RAD51B: variants seen among roughly 807,000 people sequenced by gnomAD.
RAD51B encodes the protein DNA repair protein RAD51 homolog 2.
A neutral mutation model predicts 42.2 loss-of-function variants in RAD51B; 38 were observed. The observed-to-expected ratio is 0.90, with a 90% CI of 0.70 to 1.18. RAD51B has a LOEUF of 1.18. Among genes scored for constraint, RAD51B ranks in the 50% most tolerant of loss-of-function variants. RAD51B has a pLI of 0.00. For synonymous variants in RAD51B, 154 were observed against 145.2 expected (o/e 1.06, Z -0.43); for missense variants, 373 against 400.7 (o/e 0.93, Z 0.59).
chr14:68,195,523 T>A (rs1436230470), intron 7 of RAD51B, among the ~76,000 whole-genome samples: 1 of 152,204 alleles, frequency 6.6e-6, no homozygotes, highest in Non-Finnish European at 1.5e-5. Flanking sequence ...CACATACTTG[T>A]GTTGCTATGT....
intron 7 of RAD51B, among the ~76,000 whole-genome samples, chr14:68,173,412 A>T (rs1390200176): frequency 2.0e-5 from 3 of 152,190 alleles, no homozygotes; most frequent in Admixed American, 1.3e-4. Flanking sequence ...AGATTTTATT[A>T]TCCAAGACAG....
chr14:68,413,675 G>A (rs1415641408), intron 9 of RAD51B, among the ~76,000 whole-genome samples: 3 of 152,148 alleles, frequency 2.0e-5, no homozygotes, highest in Non-Finnish European at 4.4e-5. Context: ...CCTTAGCAGA[G>A]GGTGTGCTTA....
At chr14:68,434,692 CGGGTGAGGCGA>C (rs749756792) in intron 9 of RAD51B, among the ~76,000 whole-genome samples, 68 of 152,296 alleles carry the variant, frequency 4.5e-4, no homozygotes, top group Middle Eastern at 3.4e-3. Flanking sequence ...TTGCACTTCC[CGGGTGAGGCGA>C]TGCCTCGCCC....
rs185779778 is a variant in RAD51B at position 68,286,452 on chromosome 14, A to G, written c.757-5432A>G. Reference sequence around the variant, plus strand: ...CAGATATCACATTCCAACCTATTCTATCCCTGGCTGACCACAAACTCCCTC... The same window carrying G: ...CAGATATCACATTCCAACCTATTCTGTCCCTGGCTGACCACAAACTCCCTC... On this transcript the variant is annotated intron_variant, in intron 7 of 10. Coordinates refer to ENST00000471583, the MANE Select transcript of RAD51B (RefSeq NM_133510.4). 4.1e-3 allele frequency among the ~76,000 whole-genome samples: 626 copies of G among 152,284 alleles called. 2 individuals carry two copies. Among genetic ancestry groups the G allele is most frequent in the South Asian group, 8.9e-3 (43 of 4,830 alleles).
chr14:68,449,399 T>C (rs2085500994), intron 9 of RAD51B, among the ~76,000 whole-genome samples: 1 of 152,246 alleles, frequency 6.6e-6, no homozygotes, highest in Admixed American at 6.5e-5. Context: ...TTAAAGATGC[T>C]GGTCTGGACT....
intron 5 of RAD51B, among the ~76,000 whole-genome samples, chr14:67,879,997 A>T (rs2042855483): frequency 6.6e-6 from 1 of 152,166 alleles, no homozygotes; most frequent in African/African-American, 2.4e-5. Context: ...CTCTTAATGG[A>T]TATTTACCTA....
intron 9 of RAD51B, among the ~76,000 whole-genome samples, chr14:68,446,087 C>T (rs2085413969): frequency 6.6e-6 from 1 of 152,180 alleles, no homozygotes; most frequent in Non-Finnish European, 1.5e-5. Flanking sequence ...CCAGGGAATG[C>T]TGATAATAAC....
intron 7 of RAD51B, among the ~76,000 whole-genome samples, chr14:68,117,592 G>A (rs757241544): frequency 2.0e-5 from 3 of 152,098 alleles, no homozygotes; most frequent in Non-Finnish European, 2.9e-5. Context: ...AAAAAGGTAC[G>A]ATTAGAATAT....
At chr14:68,153,207 G>A (rs2078427790) in intron 7 of RAD51B, among the ~76,000 whole-genome samples, 1 of 152,080 alleles carries the variant, frequency 6.6e-6, no homozygotes, top group Non-Finnish European at 1.5e-5. Context: ...TACAGTACTT[G>A]TCATACATTT....
chr14:68,434,617 A>T lies in RAD51B; in HGVS notation c.957+23090A>T, dbSNP rs893627953. 5.3e-5 allele frequency among the ~76,000 whole-genome samples: 8 copies of T among 152,274 alleles called. No individual in the cohort carries two copies. The South Asian group carries it at 8.3e-4, about 16-fold the overall frequency. Reference sequence around the variant, plus strand: ...AAAGCGCAGTATTAGGGTGAGAGTGACCTGATTTTCCAGGTGCTGTCGGTC... The same window carrying T: ...AAAGCGCAGTATTAGGGTGAGAGTGTCCTGATTTTCCAGGTGCTGTCGGTC... On this transcript the variant is annotated intron_variant, in intron 9 of 10. Coordinates refer to ENST00000471583, the MANE Select transcript of RAD51B (RefSeq NM_133510.4).
rs191175130 is a variant in RAD51B, at chr14:68,105,715, G to A, written c.757-186169G>A. 5.6e-3 allele frequency among the ~76,000 whole-genome samples: 845 copies of A among 152,028 alleles called. 10 individuals carry two copies. Among genetic ancestry groups the A allele is most frequent in the African/African-American group, 0.019 (797 of 41,512 alleles). On this transcript the variant is annotated intron_variant, in intron 7 of 10. Transcript: ENST00000471583. Reference sequence around the variant, plus strand: ...AAGTTTAAAGTATTTGTAATTATAAGTAGACTTTTGCTTTTATTATAGTAA... The same window carrying A: ...AAGTTTAAAGTATTTGTAATTATAAATAGACTTTTGCTTTTATTATAGTAA...
chr14:68,297,573 A>G (rs921605971), intron 8 of RAD51B, among the ~76,000 whole-genome samples: 26 of 152,272 alleles, frequency 1.7e-4, no homozygotes, highest in South Asian at 1.0e-3. Flanking sequence ...GTGTAGGGCC[A>G]TGTACCAACG....
chr14:68,540,244 G>T, intron 10 of RAD51B: 4 of 1,000,844 alleles, frequency 4.0e-6, no homozygotes, highest in Non-Finnish European at 4.7e-6. Flanking sequence ...ACATAGGATC[G>T]TCTGAGTTCC....
chr14:68,452,560 G>A (rs2085582490), intron 9 of RAD51B, among the ~76,000 whole-genome samples: 1 of 152,124 alleles, frequency 6.6e-6, no homozygotes, highest in South Asian at 2.1e-4. Flanking sequence ...GTGTGAAGTT[G>A]TACATTAGCC....
chr14:68,385,983 C>T (rs1273512338), intron 8 of RAD51B, among the ~76,000 whole-genome samples: 1 of 152,186 alleles, frequency 6.6e-6, no homozygotes. Flanking sequence ...GATTGGCTCC[C>T]GAGTCTGTGC....
intron 7 of RAD51B, among the ~76,000 whole-genome samples, chr14:68,012,144 A>G (rs61301729): frequency 0.031 from 4,643 of 152,180 alleles, 256 homozygotes; most frequent in African/African-American, 0.11. Context: ...TTCGGTCTAG[A>G]TTTTCATTTA....
At chr14:67,828,536 G>A (rs1031908121) in intron 3 of RAD51B, among the ~76,000 whole-genome samples, 1 of 151,918 alleles carries the variant, frequency 6.6e-6, no homozygotes, top group Non-Finnish European at 1.5e-5. Context: ...TGGCATTTTT[G>A]TCATGATATC....
intron 8 of RAD51B, among the ~76,000 whole-genome samples, chr14:68,347,553 G>A (rs956611237): frequency 4.6e-5 from 7 of 152,192 alleles, no homozygotes; most frequent in Non-Finnish European, 8.8e-5. Flanking sequence ...GCATGGTGGC[G>A]TGTGCCTCCC....
chr14:68,141,676 T>C (rs886950090), intron 7 of RAD51B, among the ~76,000 whole-genome samples: 1 of 152,230 alleles, frequency 6.6e-6, no homozygotes, highest in African/African-American at 2.4e-5. Flanking sequence ...TGTTTGGTAC[T>C]CTTTGTTAAT....
Sources: allele counts gnomAD v4.1 joint callset (sites outside exome capture counted in the v4.1 genomes callset), GRCh38; gene constraint gnomAD v4.1.1; transcripts MANE v1.5; gene names NCBI Gene and HGNC (gene_info 2026-07-23, HGNC 2026-07-21).